Variants in ADAM18 observed in about 807,000 individuals in gnomAD.
The protein encoded by ADAM18 is ADAM metallopeptidase domain 18.
ADAM18 carries 117 observed loss-of-function variants against 94.4 expected under a neutral mutation model. The ratio of observed to expected loss-of-function variants is 1.24; its 90% CI spans 1.07 to 1.45. The LOEUF (loss-of-function observed/expected upper bound fraction) is 1.45. ADAM18 is among the 40% of genes most tolerant of loss of function. ADAM18 has a pLI of 0.00. For missense variants in ADAM18, 936 were observed against 880.0 expected (o/e 1.06, Z -0.81); for synonymous variants, 327 against 291.6 (o/e 1.12, Z -1.24).
At chr8:39,685,922 G>C (rs370626542) in intron 16 of ADAM18, among the ~76,000 whole-genome samples, 2 of 152,046 alleles carry the variant, frequency 1.3e-5, no homozygotes, top group African/African-American at 4.8e-5. Context: ...AACAAAGATC[G>C]TCTTTCCCTC....
chr8:39,656,256 T>C (rs1379937781), intron 12 of ADAM18, among the ~76,000 whole-genome samples: 1 of 151,880 alleles, frequency 6.6e-6, no homozygotes, highest in Admixed American at 6.6e-5. Flanking sequence ...TATAAAATTA[T>C]AGTTATTAAG....
At chr8:39,639,616 G>C (rs1319979051) in intron 10 of ADAM18, among the ~76,000 whole-genome samples, 1 of 151,844 alleles carries the variant, frequency 6.6e-6, no homozygotes, top group Non-Finnish European at 1.5e-5. Context: ...CATTTGAATT[G>C]TGTCTTATTC....
chr8:39,679,907 T>G, intron 15 of ADAM18, 130 bp from the exon 16 acceptor site: 1 of 787,286 alleles, frequency 1.3e-6, no homozygotes, highest in Non-Finnish European at 2.0e-6. Flanking sequence ...CATAAAATAA[T>G]GTTTCAGTTT....
chr8:39,704,461 A>G (rs1317079950), intron 17 of ADAM18, among the ~76,000 whole-genome samples: 3 of 152,150 alleles, frequency 2.0e-5, no homozygotes, highest in African/African-American at 7.2e-5. Flanking sequence ...AAAAAGTCAC[A>G]ATTATCTCAA....
At chr8:39,712,158 A>C (rs529554252) in intron 18 of ADAM18, among the ~76,000 whole-genome samples, 19 of 152,010 alleles carry the variant, frequency 1.2e-4, no homozygotes, top group Admixed American at 9.2e-4. Flanking sequence ...GTTCAATGTT[A>C]ATATCCATCC....
At chr8:39,626,510 G>T (rs1468811730) in intron 6 of ADAM18, among the ~76,000 whole-genome samples, 1 of 151,598 alleles carries the variant, frequency 6.6e-6, no homozygotes, top group African/African-American at 2.4e-5. Flanking sequence ...TCAATTTGTG[G>T]TCTTTCAGTC....
chr8:39,603,242 T>C (rs1355494580), intron 2 of ADAM18, among the ~76,000 whole-genome samples: 1 of 152,216 alleles, frequency 6.6e-6, no homozygotes, highest in Admixed American at 6.5e-5. Context: ...TTTGCCAATA[T>C]CATTCTGTCT....
chr8:39,651,917 CAAAG>C (rs1401151028), intron 12 of ADAM18, among the ~76,000 whole-genome samples: 1 of 147,816 alleles, frequency 6.8e-6, no homozygotes, highest in Admixed American at 6.7e-5. Flanking sequence ...ATCAATGAAA[CAAAG>C]AGCCCAAAAA....
chr8:39,667,051 T>G (rs1821009327), intron 13 of ADAM18, among the ~76,000 whole-genome samples: 1 of 152,206 alleles, frequency 6.6e-6, no homozygotes, highest in East Asian at 1.9e-4. Context: ...ACCTAAGTGA[T>G]GCAAGGAGGC....
intron 12 of ADAM18, among the ~76,000 whole-genome samples, chr8:39,649,271 G>A (rs538058956): frequency 6.6e-6 from 1 of 151,814 alleles, no homozygotes; most frequent in South Asian, 2.1e-4. Context: ...TATTTCACAA[G>A]GTAAAACCTA....
chr8:39,719,265 G>C (rs1822676012), intron 18 of ADAM18, among the ~76,000 whole-genome samples: 1 of 151,270 alleles, frequency 6.6e-6, no homozygotes, highest in Admixed American at 6.6e-5. Context: ...AATTGTGCTA[G>C]AATAATTATA....
rs114425960 is a variant in ADAM18 at position 39,690,867 on chromosome 8, G to T, written c.1822-1733G>T. On this transcript the variant is annotated intron_variant, in intron 16 of 19. Coordinates refer to ENST00000265707, the MANE Select transcript of ADAM18 (RefSeq NM_014237.3). ...TCCCACTTCTGGGTATACGCTCAAA[G>T]GAAAATTATTCACTCTATCAAAGAG... 3.8e-3 allele frequency among the ~76,000 whole-genome samples: 576 copies of T among 152,224 alleles called. 6 individuals are homozygous for T. Among genetic ancestry groups the T allele is most frequent in the African/African-American group, 0.013 (552 of 41,526 alleles).
chr8:39,673,531 T>A (rs967449373), intron 14 of ADAM18, among the ~76,000 whole-genome samples: 2 of 150,096 alleles, frequency 1.3e-5, no homozygotes, highest in African/African-American at 4.9e-5. Context: ...AGTTATCTCA[T>A]TGTTCAATTC....
At chr8:39,663,927 G>C in intron 13 of ADAM18, 37 bp downstream of exon 13, 4 of 1,369,302 alleles carry the variant, frequency 2.9e-6, no homozygotes, top group Admixed American at 1.9e-5. Context: ...AAATTGAACT[G>C]TGGTAAGAGA....
intron 17 of ADAM18, among the ~76,000 whole-genome samples, chr8:39,697,920 T>A (rs1015326774): frequency 6.6e-6 from 1 of 151,888 alleles, no homozygotes; most frequent in Non-Finnish European, 1.5e-5. Context: ...TTTGCTCAAG[T>A]GTAGTTTTCA....
At chr8:39,722,911 A>G (rs1822799577) in intron 18 of ADAM18, among the ~76,000 whole-genome samples, 1 of 151,596 alleles carries the variant, frequency 6.6e-6, no homozygotes. Context: ...TTTATGGCAC[A>G]CATTTTTGTT....
chr8:39,714,935 T>C (rs969986614), intron 18 of ADAM18, among the ~76,000 whole-genome samples: 1 of 152,226 alleles, frequency 6.6e-6, no homozygotes, highest in East Asian at 1.9e-4. Flanking sequence ...TAAGTGAGAA[T>C]TTACTGTATA....
chr8:39,652,439 A>C (rs142899215), intron 12 of ADAM18, among the ~76,000 whole-genome samples: 22 of 152,310 alleles, frequency 1.4e-4, no homozygotes, highest in African/African-American at 5.1e-4. Context: ...GGTATATGAA[A>C]ATATGCTCAA....
intron 16 of ADAM18, among the ~76,000 whole-genome samples, chr8:39,688,228 C>G (rs1469142133): frequency 2.6e-5 from 4 of 151,694 alleles, no homozygotes; most frequent in Non-Finnish European, 4.4e-5. Flanking sequence ...TTTTCTATTT[C>G]TTCTTTTTAA....
Sources: allele counts gnomAD v4.1 joint callset (sites outside exome capture counted in the v4.1 genomes callset), GRCh38; gene constraint gnomAD v4.1.1; transcripts MANE v1.5; gene names NCBI Gene and HGNC (gene_info 2026-07-23, HGNC 2026-07-21).